PLEKHG2: variants seen among roughly 807,000 people sequenced by gnomAD.
PLEKHG2 encodes pleckstrin homology and RhoGEF domain containing G2, also known as pleckstrin homology domain-containing family G member 2.
Under a neutral mutation model 104.4 loss-of-function variants are expected in PLEKHG2, and 71 were observed. The observed-to-expected ratio is 0.68, with a 90% CI of 0.56 to 0.83. PLEKHG2 has a LOEUF of 0.83. Ranked by LOEUF, PLEKHG2 falls within the 40% of genes least tolerant of loss-of-function variation. The probability of loss-of-function intolerance (pLI) is 0.00; values close to 1 mark genes in which losing one functional copy is unlikely to be tolerated. For synonymous variants in PLEKHG2, 728 were observed against 737.0 expected (o/e 0.99, Z 0.20); for missense variants, 1,730 against 1,809.4 (o/e 0.96, Z 0.80).
Position 39,422,987 on chromosome 19 carries a change from C to G in PLEKHG2, c.1933C>G (p.Pro645Ala). The G allele has an allele frequency of 1.2e-6, 2 of 1,614,206 alleles. No individual in the cohort carries two copies. The highest frequency in any genetic ancestry group is 8.5e-7 in the Non-Finnish European group (1 of 1,180,022). Residue 645 changes from proline (P) to alanine (A), a missense_variant, in exon 18 of 19, where the codon CCC (proline) becomes GCC (alanine). Coordinates refer to ENST00000425673, the MANE Select transcript of PLEKHG2 (RefSeq NM_022835.3). ...IPDVPNLPEI[P>A]SRCEIPEGSR... ...TGACGTGCCCAACCTTCCTGAAATT[C>G]CCAGCCGCTGTGAAATTCCCGAAGG...
chr19:39,419,579 TA>T (rs1332918896), intron 11 of PLEKHG2, among the ~76,000 whole-genome samples: 1 of 151,356 alleles, frequency 6.6e-6, no homozygotes, highest in Non-Finnish European at 1.5e-5. Flanking sequence ...CCATCTCTAC[TA>T]AAAAATACAA....
chr19:39,419,386 C>T (rs1215204000), intron 11 of PLEKHG2, among the ~76,000 whole-genome samples: 1 of 152,000 alleles, frequency 6.6e-6, no homozygotes, highest in African/African-American at 2.4e-5. Context: ...CATTTAAGCC[C>T]GGGAGTTCGA....
In PLEKHG2 at chr19:39,415,195, C is replaced by G; in HGVS notation, c.313C>G (p.Arg105Gly). ...TTCAGCCAGACCCTCAAGGCTGGAG[C>G]GTGTGGCCCGGGAGATCGTGGAGAC... ...PGSARPSRLE[R>G]VAREIVETER... Residue 105 changes from arginine (R) to glycine (G), a missense_variant, in exon 3 of 19, where the codon CGT becomes GGT. By Grantham distance (125) the Arg-to-Gly change is moderately radical. Transcript: ENST00000425673. The surrounding 1 kb of genome is among the most constrained non-coding windows in gnomAD (Gnocchi z 4.6). 6.3e-7 allele frequency: 1 copy of G among 1,587,574 alleles called. No homozygotes were observed. The highest frequency in any genetic ancestry group is 8.6e-7 in the Non-Finnish European group (1 of 1,166,224).
At position 39,415,672 on chromosome 19, in the gene PLEKHG2, G is replaced by A. The variant is rs534709801; in HGVS notation, c.479+233G>A. On this transcript the variant is annotated intron_variant, in intron 4 of 18. Transcript: ENST00000425673. This position sits in a 1 kb window ranked among gnomAD's most constrained non-coding sequence, Gnocchi z 4.6. Reference sequence around the variant, plus strand: ...AGCGGATGGGAGGACCCCGAGTGAGGGAGGGGCATAGCGGATGGGAGGACC... The same window carrying A: ...AGCGGATGGGAGGACCCCGAGTGAGAGAGGGGCATAGCGGATGGGAGGACC... 3.3e-5 allele frequency among the ~76,000 whole-genome samples: 5 copies of A among 151,294 alleles called. No individual in the cohort carries two copies. Among genetic ancestry groups the A allele is most frequent in the African/African-American group, 1.2e-4 (5 of 41,158 alleles).
rs369657164 is a variant in PLEKHG2 at position 39,422,095 on chromosome 19, A to G, written c.1504-20A>G. ...GGAGGAGTCTTGGCTCTTGCCTTCC[A>G]TTGCTTTCCCTCCTCACAGCACGCT... On this transcript the variant is annotated intron_variant, in intron 16 of 18. Coordinates refer to ENST00000425673, the MANE Select transcript of PLEKHG2 (RefSeq NM_022835.3). 1 of 1,594,708 alleles carries G rather than the reference A, an allele frequency of 6.3e-7. No homozygotes were observed. Among genetic ancestry groups the G allele is most frequent in the African/African-American group, 1.4e-5 (1 of 73,822 alleles).
At position 39,420,746 on chromosome 19, in the gene PLEKHG2, C is replaced by T. The variant is rs1210002539; in HGVS notation, c.1298-5C>T. ...TGGCTTTTAGCCCCAAAACTCTCCC[C>T]ACAGGTGCCCCCAAAAGTAAGCCTG... On this transcript the variant is annotated splice_polypyrimidine_tract_variant and splice_region_variant and intron_variant, in intron 12 of 18. Transcript: ENST00000425673. The T allele has an allele frequency of 6.2e-7, 1 of 1,614,042 alleles. No homozygotes were observed. The highest frequency in any genetic ancestry group is 1.7e-5 in the Admixed American group (1 of 60,002).
chr19:39,415,761 A>T lies in PLEKHG2; in HGVS notation c.479+322A>T, dbSNP rs1263946137. ...ACCTGGATGAAGCCCAAACACTGGG[A>T]CAGGGTCCCGGCATCAGGACGAGTC... On this transcript the variant is annotated intron_variant, in intron 4 of 18. Transcript: ENST00000425673. This position sits in a 1 kb window ranked among gnomAD's most constrained non-coding sequence, Gnocchi z 4.6. 6.6e-6 allele frequency among the ~76,000 whole-genome samples: 1 copy of T among 152,074 alleles called. No individual in the cohort carries two copies. Among genetic ancestry groups the T allele is most frequent in the Non-Finnish European group, 1.5e-5 (1 of 68,002 alleles).
At chr19:39,420,316 G>A (rs142464146) in intron 11 of PLEKHG2, among the ~76,000 whole-genome samples, 55 of 151,276 alleles carry the variant, frequency 3.6e-4, no homozygotes, top group Non-Finnish European at 7.2e-4. Context: ...CCGAAATCGC[G>A]CCTTTGCACT....
intron 9 of PLEKHG2, among the ~76,000 whole-genome samples, 153 bp from the exon 10 acceptor site, chr19:39,418,581 A>G (rs538221372): frequency 2.0e-5 from 3 of 151,530 alleles, no homozygotes; most frequent in Admixed American, 1.3e-4. Context: ...TCTGTCTCAA[A>G]AAAAAAAAAG....
intron 7 of PLEKHG2, among the ~76,000 whole-genome samples, 189 bp downstream of exon 7, chr19:39,417,189 G>T (rs2078619950): frequency 6.8e-6 from 1 of 147,960 alleles, no homozygotes; most frequent in South Asian, 2.2e-4. Flanking sequence ...TTTCACTCTT[G>T]TCGATGAGGC....
Position 39,416,254 on chromosome 19 carries a change from C to T in PLEKHG2, c.480-94C>T, listed in dbSNP as rs2078600677. On this transcript the variant is annotated intron_variant, in intron 4 of 18. Coordinates refer to ENST00000425673, the MANE Select transcript of PLEKHG2 (RefSeq NM_022835.3). The surrounding 1 kb of genome is among the most constrained non-coding windows in gnomAD (Gnocchi z 4.5). ...ATGCTGGCAGTCAGCAAGCCCCCAGCCCCAGCAGACCATTGGGGCCTCAGC... is the reference window on the plus strand; with the variant it reads ...ATGCTGGCAGTCAGCAAGCCCCCAGTCCCAGCAGACCATTGGGGCCTCAGC... The T allele has an allele frequency of 1.6e-6, 2 of 1,272,644 alleles. No individual in the cohort carries two copies. The highest frequency in any genetic ancestry group is 1.1e-6 in the Non-Finnish European group (1 of 882,330). 78.8% of individuals were successfully genotyped at this position (1,272,644 alleles called of 1,614,324 possible). A position where few individuals can be genotyped will look rare whatever the true frequency, so the allele number is the denominator to read the frequency against.
chr19:39,421,575 CT>C, intron 16 of PLEKHG2: 1 of 495,864 alleles, frequency 2.0e-6, no homozygotes, highest in Non-Finnish European at 3.7e-6. Context: ...ATAGTCCCAG[CT>C]ACTCAGGAGA....
chr19:39,417,789 G>A, intron 8 of PLEKHG2, 97 bp downstream of exon 8: 1 of 1,514,160 alleles, frequency 6.6e-7, no homozygotes, highest in Non-Finnish European at 8.8e-7. Flanking sequence ...GGTAGCCTTG[G>A]AGGGTTGGCT....
At position 39,417,012 on chromosome 19, in the gene PLEKHG2, C is replaced by T; in HGVS notation, c.744+12C>T. 1 of 1,588,938 alleles carries T rather than the reference C, an allele frequency of 6.3e-7. No individual in the cohort carries two copies. Among genetic ancestry groups the T allele is most frequent in the Non-Finnish European group, 8.6e-7 (1 of 1,164,772 alleles). On this transcript the variant is annotated intron_variant, in intron 7 of 18. Coordinates refer to ENST00000425673, the MANE Select transcript of PLEKHG2 (RefSeq NM_022835.3). ...ATCTGCTGCTGCAGGTCAGCTGGGG[C>T]CCCTGGAGCCAGGCTGGGGAGGGGG...
chr19:39,424,403 A>G lies in PLEKHG2; in HGVS notation c.3270A>G (p.Pro1090=), dbSNP rs1213421890. The G allele has an allele frequency of 6.2e-7, 1 of 1,613,972 alleles. No homozygotes were observed. Among genetic ancestry groups the G allele is most frequent in the Non-Finnish European group, 8.5e-7 (1 of 1,180,018 alleles). Residue 1090 remains proline (P), a synonymous_variant, in exon 19 of 19, where the codon CCA becomes CCG. Coordinates refer to ENST00000425673, the MANE Select transcript of PLEKHG2 (RefSeq NM_022835.3). The stretch of plus-strand genomic sequence containing the variant: ...GAAGCAGCCTGGATCCCCAGGGCCC[A>G]GGCGACACCCTACCACCCTTGCCAT... ...WHGSSLDPQG[P]GDTLPPLPCH... is the part of the protein sequence containing the mutation.
In PLEKHG2 at chr19:39,415,874, C is replaced by T. The variant is rs981743724; in HGVS notation, c.479+435C>T. On this transcript the variant is annotated intron_variant, in intron 4 of 18. Transcript: ENST00000425673. The surrounding 1 kb of genome is among the most constrained non-coding windows in gnomAD (Gnocchi z 4.6). ...GAGACAGCGTGAGCATGCGAGTGACCCCCTAAGCCTGATTTGCCTGGGACT... is the reference window on the plus strand; with the variant it reads ...GAGACAGCGTGAGCATGCGAGTGACTCCCTAAGCCTGATTTGCCTGGGACT... 6.6e-6 allele frequency among the ~76,000 whole-genome samples: 1 copy of T among 151,982 alleles called. No homozygotes were observed. Among genetic ancestry groups the T allele is most frequent in the Non-Finnish European group, 1.5e-5 (1 of 68,008 alleles).
At position 39,424,783 on chromosome 19, in the gene PLEKHG2, G is replaced by A. The variant is rs370533120; in HGVS notation, c.3650G>A (p.Arg1217Lys). 13 of 1,614,084 alleles carry A rather than the reference G, an allele frequency of 8.1e-6. No individual in the cohort carries two copies. Among genetic ancestry groups the A allele is most frequent in the Non-Finnish European group, 1.1e-5 (13 of 1,180,050 alleles). ...HVPAATPLPE[R>K]GGSLDIQGLS... ...CCAGCTGCCACACCTTTACCTGAGA[G>A]AGGAGGCTCTCTAGACATTCAGGGC... The change falls in exon 19 of 19, where the codon AGA becomes AAA. Residue 1217 changes from arginine (R) to lysine (K), a missense_variant. Coordinates refer to ENST00000425673, the MANE Select transcript of PLEKHG2 (RefSeq NM_022835.3).
chr19:39,424,347 A>T lies in PLEKHG2; in HGVS notation c.3214A>T (p.Ser1072Cys). Residue 1072 changes from serine (S) to cysteine (C), a missense_variant, in exon 19 of 19, where the codon AGT becomes TGT. Physicochemically the swap from Ser to Cys is moderately radical, Grantham distance 112. Transcript: ENST00000425673. Reference sequence around the variant, plus strand: ...TGTTCAGGGCCCAGACCCTGTCTGCAGTCAACCCATCCAGCCTTTGTCTTG... The same window carrying T: ...TGTTCAGGGCCCAGACCCTGTCTGCTGTCAACCCATCCAGCCTTTGTCTTG... ...RDVQGPDPVC[S>C]QPIQPLSWHG... The T allele has an allele frequency of 6.2e-7, 1 of 1,614,148 alleles. No individual in the cohort carries two copies. The highest frequency in any genetic ancestry group is 8.5e-7 in the Non-Finnish European group (1 of 1,180,014).
At position 39,425,382 on chromosome 19, in the gene PLEKHG2, G is replaced by T; in HGVS notation, c.*88G>T. The T allele has an allele frequency of 1.3e-6, 2 of 1,501,230 alleles. No homozygotes were observed. Among genetic ancestry groups the T allele is most frequent in the Non-Finnish European group, 1.8e-6 (2 of 1,128,434 alleles). The allele number at this position is 1,501,230 out of a possible 1,614,324, so 93.0% of individuals were successfully genotyped here. A position where few individuals can be genotyped will look rare whatever the true frequency, so the allele number is the denominator to read the frequency against. Reference sequence around the variant, plus strand: ...TGACCTGGAAGTCCAGACACTGAACGCAGGCCTCAAAACTGCTGCGGCCTT... The same window carrying T: ...TGACCTGGAAGTCCAGACACTGAACTCAGGCCTCAAAACTGCTGCGGCCTT... On this transcript the variant is annotated 3_prime_UTR_variant, in exon 19 of 19. Transcript: ENST00000425673.
Sources: allele counts gnomAD v4.1 joint callset (sites outside exome capture counted in the v4.1 genomes callset), GRCh38; gene constraint gnomAD v4.1.1; non-coding constraint Gnocchi (gnomAD v3.1); transcripts MANE v1.5; gene names NCBI Gene and HGNC (gene_info 2026-07-23, HGNC 2026-07-21).